TNXB: variants seen among roughly 807,000 people sequenced by gnomAD.
TNXB encodes tenascin XB.
A neutral mutation model predicts 340.5 loss-of-function variants in TNXB; 183 were observed. The ratio of observed to expected loss-of-function variants is 0.54; its 90% CI spans 0.48 to 0.61. The LOEUF (loss-of-function observed/expected upper bound fraction) is 0.61, where lower values mean the gene tolerates loss of function less well. TNXB is among the 20% of genes least tolerant of loss of function. The probability of loss-of-function intolerance (pLI) is 0.00; values close to 1 mark genes in which losing one functional copy is unlikely to be tolerated. For synonymous variants in TNXB, 2,121 were observed against 2,314.5 expected (o/e 0.92, Z 2.40); for missense variants, 4,613 against 5,446.4 (o/e 0.85, Z 4.82).
chr6:32,063,386 A>G (rs1778147661), intron 19 of TNXB, among the ~76,000 whole-genome samples: 1 of 150,624 alleles, frequency 6.6e-6, no homozygotes, highest in South Asian at 2.1e-4. Flanking sequence ...ACAGAGTGAG[A>G]CTCCATCTCA....
chr6:32,047,548 G>A lies in TNXB; in HGVS notation c.10324+186C>T, dbSNP rs1281111120. ...GTCCCTTTTATTTCCTCAGCAGTCA[G>A]CGAATGAAAGGAAGTAATGCATATG... On this transcript the variant is annotated intron_variant, in intron 30 of 43. Coordinates refer to ENST00000644971, the MANE Select transcript of TNXB (RefSeq NM_001365276.2). This position sits in a 1 kb window ranked among gnomAD's most constrained non-coding sequence, Gnocchi z 6.2. Among the ~76,000 whole-genome samples the A allele has an allele frequency of 6.6e-6, 1 of 152,226 alleles. No individual in the cohort carries two copies. The highest frequency in any genetic ancestry group is 6.5e-5 in the Admixed American group (1 of 15,284).
chr6:32,101,904 T>G (rs1166894500), intron 1 of TNXB, among the ~76,000 whole-genome samples: 1 of 152,002 alleles, frequency 6.6e-6, no homozygotes, highest in Non-Finnish European at 1.5e-5. Flanking sequence ...TTAAATTTTT[T>G]GTAGAGATGG....
Position 32,096,021 on chromosome 6 carries a change from T to C in TNXB, c.1832A>G (p.Tyr611Cys). The C allele has an allele frequency of 6.2e-7, 1 of 1,613,086 alleles. No individual in the cohort carries two copies. Among genetic ancestry groups the C allele is most frequent in the Non-Finnish European group, 8.5e-7 (1 of 1,179,778 alleles). Reference sequence around the variant, plus strand: ...GCGGATGCTGCAGTCCTCACTCACGTAGCCTTCCCAACAGATGCACACACC... The same window carrying C: ...GCGGATGCTGCAGTCCTCACTCACGCAGCCTTCCCAACAGATGCACACACC... ...QDGVCICWEG[Y>C]VSEDCSIRTC... Residue 611 changes from tyrosine (Y) to cysteine (C), a missense_variant, in exon 3 of 44, where the codon TAC (tyrosine) becomes TGC (cysteine). By Grantham distance (194) the Tyr-to-Cys change is radical. This residue lies in a region of TNXB where 4,327 missense variants were observed against 4,859.4 expected (regional missense o/e 0.89). Transcript: ENST00000644971.
rs1291989122 is a variant in TNXB, at chr6:32,049,774, A to G, written c.9440-187T>C. Among the ~76,000 whole-genome samples the G allele has an allele frequency of 6.6e-6, 1 of 151,626 alleles. No individual in the cohort carries two copies. The highest frequency in any genetic ancestry group is 1.5e-5 in the Non-Finnish European group (1 of 67,908). Reference sequence around the variant, plus strand: ...CAAGTTCCAGGGTCAGCTGTGGGGGACCTGGCACAGCCACCAGCACAGCAA... The same window carrying G: ...CAAGTTCCAGGGTCAGCTGTGGGGGGCCTGGCACAGCCACCAGCACAGCAA... On this transcript the variant is annotated intron_variant, in intron 27 of 43. Coordinates refer to ENST00000644971, the MANE Select transcript of TNXB (RefSeq NM_001365276.2). This position sits in a 1 kb window ranked among gnomAD's most constrained non-coding sequence, Gnocchi z 4.5.
Position 32,072,197 on chromosome 6 carries a change from G to A in TNXB, c.4783C>T (p.Leu1595Phe). 6.2e-7 allele frequency: 1 copy of A among 1,612,496 alleles called. No homozygotes were observed. Among genetic ancestry groups the A allele is most frequent in the Non-Finnish European group, 8.5e-7 (1 of 1,179,348 alleles). The change falls in exon 13 of 44, where the codon CTC (leucine) becomes TTC (phenylalanine). Residue 1595 changes from leucine to phenylalanine, a missense_variant. Physicochemically the swap from Leu to Phe is conservative, Grantham distance 22. Transcript: ENST00000644971. The surrounding 1 kb of genome is among the most constrained non-coding windows in gnomAD (Gnocchi z 4.4). ...VTDITPDSVGLSWTVPEGEFD... is the reference protein window; with the variant it reads ...VTDITPDSVGFSWTVPEGEFD... ...TCACCCTCAGGGACTGTCCATGAGA[G>A]GCCCACAGAGTCAGGGGTTATATCC...
Position 32,053,563 on chromosome 6 carries a change from G to T in TNXB, c.8616C>A (p.Asp2872Glu). The change falls in exon 25 of 44, where the codon GAC becomes GAA. Residue 2872 changes from aspartate to glutamate, a missense_variant. This residue lies in a region of TNXB where 4,327 missense variants were observed against 4,859.4 expected (regional missense o/e 0.89). Coordinates refer to ENST00000644971, the MANE Select transcript of TNXB (RefSeq NM_001365276.2). The stretch of plus-strand genomic sequence containing the variant: ...CATTCCTGTACTGGACCAGGAAGTG[G>T]TCAAACTGGCCCTCGGGGACCATCC... ...LSWMVPEGQF[D>E]HFLVQYRNGD... The T allele has an allele frequency of 6.2e-7, 1 of 1,613,700 alleles. No homozygotes were observed.
In TNXB at chr6:32,069,670, C is replaced by T; in HGVS notation, c.5470G>A (p.Gly1824Ser). The change falls in exon 15 of 44, where the codon GGC (glycine) becomes AGC (serine). Residue 1824 changes from glycine (G) to serine (S), a missense_variant. Around this residue, in one of 7 missense-constraint regions of TNXB, gnomAD observed 4,327 missense variants for 4,859.4 expected, o/e 0.89. Coordinates refer to ENST00000644971, the MANE Select transcript of TNXB (RefSeq NM_001365276.2). This position sits in a 1 kb window ranked among gnomAD's most constrained non-coding sequence, Gnocchi z 6.2. ...GGCACGCTGACCTCCCTGAGGCTGC[C>T]CTCCACGGGCACCACCTGGGGCTGC... ...DGQPQVVPVE[G>S]SLREVSVPGL... is the part of the protein sequence containing the mutation. 6.2e-7 allele frequency: 1 copy of T among 1,613,050 alleles called. No homozygotes were observed. The highest frequency in any genetic ancestry group is 1.1e-5 in the South Asian group (1 of 90,984).
chr6:32,094,350 C>G (rs1189906105), intron 4 of TNXB, among the ~76,000 whole-genome samples: 1 of 150,670 alleles, frequency 6.6e-6, no homozygotes, highest in Non-Finnish European at 1.5e-5. Context: ...CATCTTTTTT[C>G]CCTGCTAATC....
In TNXB at chr6:32,051,799, G is replaced by T. The variant is rs112427368; in HGVS notation, c.9115+871C>A. ...TGCTACGACATAGATGAACCTTAAA[G>T]ACATTGTATTTAATGAAATGAACCA... On this transcript the variant is annotated intron_variant, in intron 26 of 43. Transcript: ENST00000644971. This position sits in a 1 kb window ranked among gnomAD's most constrained non-coding sequence, Gnocchi z 4.7. Among the ~76,000 whole-genome samples the T allele has an allele frequency of 3.9e-5, 6 of 152,162 alleles. No homozygotes were observed. The highest frequency in any genetic ancestry group is 1.4e-4 in the African/African-American group (6 of 41,522).
intron 4 of TNXB, among the ~76,000 whole-genome samples, chr6:32,092,991 A>C (rs1413047690): frequency 6.6e-6 from 1 of 152,252 alleles, no homozygotes; most frequent in East Asian, 1.9e-4. Context: ...TGAGGGAGAA[A>C]GTCTAGGGCT....
Position 32,049,577 on chromosome 6 carries a change from G to A in TNXB, c.9450C>T (p.Thr3150=). ...VSAIGVTEEE[T]PSPTEPSTEA... is the part of the protein sequence containing the mutation. ...CAGTGCTGGGTTCTGTGGGGCTGGG[G>A]GTCTCTTCCTCTGCAGTGGAGAAGG... The change falls in exon 28 of 44, where the codon ACC becomes ACT. Residue 3150 remains threonine, a synonymous_variant. Transcript: ENST00000644971. This position sits in a 1 kb window ranked among gnomAD's most constrained non-coding sequence, Gnocchi z 4.5. 3 of 1,611,396 alleles carry A rather than the reference G, an allele frequency of 1.9e-6. No individual in the cohort carries two copies. The highest frequency in any genetic ancestry group is 2.5e-6 in the Non-Finnish European group (3 of 1,179,056).
intron 29 of TNXB, 68 bp from the exon 30 acceptor site, chr6:32,048,080 G>A (rs1172061100): frequency 1.3e-6 from 2 of 1,536,234 alleles, no homozygotes; most frequent in Non-Finnish European, 1.8e-6. Context: ...TTCCTGGGCT[G>A]CTATGGCTCT....
chr6:32,105,582 G>A (rs1780937869), intron 1 of TNXB, among the ~76,000 whole-genome samples: 1 of 151,988 alleles, frequency 6.6e-6, no homozygotes, highest in Non-Finnish European at 1.5e-5. Context: ...CAATGTAAAC[G>A]CAGGACTAGC....
intron 24 of TNXB, among the ~76,000 whole-genome samples, 192 bp from the exon 25 acceptor site, chr6:32,053,903 C>T (rs1777466638): frequency 1.3e-5 from 2 of 149,992 alleles, no homozygotes; most frequent in Admixed American, 6.7e-5. Flanking sequence ...TCAGCCCCCA[C>T]CTCACCCCCA....
chr6:32,065,189 C>G, intron 18 of TNXB, 72 bp from the exon 19 acceptor site: 4 of 1,386,572 alleles, frequency 2.9e-6, no homozygotes, highest in African/African-American at 1.4e-5. Context: ...GTCTTGAATT[C>G]AGGTCAGAAG....
At chr6:32,041,610 C>T in intron 43 of TNXB, 160 bp from the exon 44 acceptor site, 1 of 1,083,170 alleles carries the variant, frequency 9.2e-7, no homozygotes, top group Non-Finnish European at 1.4e-6. Flanking sequence ...TGAGCTGGCC[C>T]TTTCCAGCCA....
intron 22 of TNXB, among the ~76,000 whole-genome samples, chr6:32,057,629 A>G (rs1194171069): frequency 1.3e-5 from 2 of 149,348 alleles, no homozygotes; most frequent in African/African-American, 2.5e-5. Context: ...CTTCAGGATG[A>G]GATACTCACC....
chr6:32,078,093 AAGAAAGAAAG>A (rs1197624785), intron 11 of TNXB, among the ~76,000 whole-genome samples: 2 of 134,898 alleles, frequency 1.5e-5, no homozygotes, highest in African/African-American at 3.0e-5. Flanking sequence ...GAAAGAAAGA[AAGAAAGAAAG>A]AAAGAAAGAA....
In TNXB at chr6:32,046,703, G is replaced by A; in HGVS notation, c.10325-247C>T. The A allele has an allele frequency of 2.3e-6, 1 of 429,700 alleles. No individual in the cohort carries two copies. Among genetic ancestry groups the A allele is most frequent in the Non-Finnish European group, 4.1e-6 (1 of 241,376 alleles). The allele number at this position is 429,700 out of a possible 1,614,324, so 26.6% of individuals were successfully genotyped here. On this transcript the variant is annotated intron_variant, in intron 30 of 43. Transcript: ENST00000644971. The surrounding 1 kb of genome is among the most constrained non-coding windows in gnomAD (Gnocchi z 6.9). ...CCGCCCCTTCCCTGCTGTGATCGAG[G>A]ATGCGCCAAATTCATTACAGATCAT...
Sources: gnomAD v4.1 joint callset for allele counts (sites outside exome capture counted in the v4.1 genomes callset) on GRCh38, gnomAD v4.1.1 for gene constraint, gnomAD v4.1.1 regional missense constraint, Gnocchi (gnomAD v3.1) non-coding constraint, MANE v1.5 for transcripts, NCBI Gene and HGNC (gene_info 2026-07-23, HGNC 2026-07-21) for gene names.